The following TRAPPC9 variants were observed in gnomAD, a reference collection of about 807,000 sequenced individuals.
TRAPPC9 encodes IKK2 binding protein.
Under a neutral mutation model 124.0 loss-of-function variants are expected in TRAPPC9, and 83 were observed. That is an observed-to-expected ratio of 0.67 (90% CI 0.56 to 0.80). The LOEUF (loss-of-function observed/expected upper bound fraction) is 0.80. Among genes scored for constraint, TRAPPC9 ranks in the 30% least tolerant of loss-of-function variants. TRAPPC9 has a pLI of 0.00. For synonymous variants in TRAPPC9, 638 were observed against 617.5 expected (o/e 1.03, Z -0.49); for missense variants, 1,302 against 1,508.3 (o/e 0.86, Z 2.27).
chr8:140,316,661 A>G (rs758248512), intron 9 of TRAPPC9, among the ~76,000 whole-genome samples: 11 of 152,112 alleles, frequency 7.2e-5, no homozygotes, highest in Non-Finnish European at 1.3e-4. Context: ...TTTGTGGAAG[A>G]TTTTTGCATC....
intron 19 of TRAPPC9, among the ~76,000 whole-genome samples, chr8:139,980,112 G>A (rs1026347524): frequency 5.9e-5 from 9 of 152,128 alleles, no homozygotes; most frequent in Admixed American, 5.9e-4. Flanking sequence ...AATGGCTGTG[G>A]CAGCTCCATG....
chr8:140,189,116 C>T (rs754819839), intron 17 of TRAPPC9, among the ~76,000 whole-genome samples: 7 of 152,190 alleles, frequency 4.6e-5, no homozygotes, highest in Non-Finnish European at 8.8e-5. Context: ...TCCACCTTCA[C>T]TAAAACTGCC....
intron 20 of TRAPPC9, among the ~76,000 whole-genome samples, chr8:139,893,781 G>C (rs1044202244): frequency 1.3e-5 from 2 of 152,224 alleles, no homozygotes; most frequent in Non-Finnish European, 2.9e-5. Flanking sequence ...GCACAAAGTC[G>C]GCACACACAG....
chr8:139,874,963 C>A (rs961861485), intron 21 of TRAPPC9, among the ~76,000 whole-genome samples: 2 of 152,206 alleles, frequency 1.3e-5, no homozygotes, highest in Admixed American at 6.5e-5. Flanking sequence ...ACAGTGCTTA[C>A]CCCACTGGGG....
chr8:140,052,989 A>G (rs938092190), intron 17 of TRAPPC9, among the ~76,000 whole-genome samples: 2 of 152,212 alleles, frequency 1.3e-5, no homozygotes, highest in African/African-American at 2.4e-5. Context: ...AATCCATTAA[A>G]TAAAACAAAT....
chr8:140,233,623 C>CCACAAACA (rs2063659464), intron 16 of TRAPPC9, among the ~76,000 whole-genome samples: 1 of 90,848 alleles, frequency 1.1e-5, no homozygotes, highest in African/African-American at 4.4e-5. Flanking sequence ...TCTCTCCCCA[C>CCACAAACA]CACACACACA....
intron 21 of TRAPPC9, among the ~76,000 whole-genome samples, chr8:139,847,483 G>A (rs1274775467): frequency 1.3e-5 from 2 of 152,152 alleles, no homozygotes; most frequent in East Asian, 1.9e-4. Flanking sequence ...CAACAGTCCC[G>A]CCTCGGCCGG....
At chr8:140,120,781 T>A (rs954368953) in intron 17 of TRAPPC9, among the ~76,000 whole-genome samples, 2 of 135,726 alleles carry the variant, frequency 1.5e-5, no homozygotes, top group East Asian at 4.5e-4. Context: ...ATCCATTCAT[T>A]CATCCATCCA....
At chr8:140,247,212 A>C (rs536556906) in intron 16 of TRAPPC9, among the ~76,000 whole-genome samples, 1 of 152,212 alleles carries the variant, frequency 6.6e-6, no homozygotes, top group African/African-American at 2.4e-5. Context: ...AATCCTCAAG[A>C]AATCATGAGA....
intron 11 of TRAPPC9, among the ~76,000 whole-genome samples, chr8:140,294,892 G>A (rs4736171): frequency 0.51 from 77,853 of 151,928 alleles, 19,987 homozygotes; most frequent in East Asian, 0.64. Context: ...AATTACAGGC[G>A]TGAGCCACCA....
In TRAPPC9 at chr8:140,009,074, G is replaced by A. The variant is rs10093602; in HGVS notation, c.2699+14863C>T. ...CGGGAAAAGGGAAAAAGAGGTCTAC[G>A]GTCCTGTAGCTCCTTCCAGGCTTTA... On this transcript the variant is annotated intron_variant, in intron 18 of 22. Transcript: ENST00000438773. 8.4e-3 allele frequency among the ~76,000 whole-genome samples: 1,278 copies of A among 152,236 alleles called. 23 individuals carry two copies. Among genetic ancestry groups the A allele is most frequent in the African/African-American group, 0.029 (1,199 of 41,534 alleles).
At chr8:139,956,210 G>A (rs539033733) in intron 19 of TRAPPC9, among the ~76,000 whole-genome samples, 9 of 151,838 alleles carry the variant, frequency 5.9e-5, no homozygotes, top group Non-Finnish European at 8.8e-5. Context: ...CGCCTGGGCT[G>A]GAGTGCAGTG....
intron 17 of TRAPPC9, among the ~76,000 whole-genome samples, chr8:140,055,198 T>G (rs1456848367): frequency 6.6e-6 from 1 of 152,220 alleles, no homozygotes; most frequent in Non-Finnish European, 1.5e-5. Flanking sequence ...TATCTCTGGA[T>G]GCAAGGAAGG....
At chr8:140,237,986 C>G (rs759148769) in intron 16 of TRAPPC9, among the ~76,000 whole-genome samples, 2 of 152,214 alleles carry the variant, frequency 1.3e-5, no homozygotes, top group Non-Finnish European at 2.9e-5. Context: ...GTGATCAACA[C>G]GATGAGCTAA....
chr8:140,012,449 C>T (rs964306604), intron 18 of TRAPPC9, among the ~76,000 whole-genome samples: 4 of 152,218 alleles, frequency 2.6e-5, no homozygotes, highest in Admixed American at 1.3e-4. Flanking sequence ...GGAAGAAGGG[C>T]GTGGACCCCA....
chr8:139,945,190 G>A (rs562956884), intron 19 of TRAPPC9, among the ~76,000 whole-genome samples: 3 of 152,052 alleles, frequency 2.0e-5, no homozygotes, highest in South Asian at 4.2e-4. Flanking sequence ...TCAACTATAC[G>A]TTGTTTATAA....
chr8:139,922,994 C>T (rs1832602819), intron 19 of TRAPPC9, among the ~76,000 whole-genome samples: 1 of 152,182 alleles, frequency 6.6e-6, no homozygotes, highest in South Asian at 2.1e-4. Context: ...TCATCAGGCT[C>T]ATCAGAAACC....
intron 8 of TRAPPC9, among the ~76,000 whole-genome samples, chr8:140,362,704 TGAA>T (rs920146359): frequency 2.0e-5 from 3 of 152,040 alleles, no homozygotes; most frequent in East Asian, 1.9e-4. Flanking sequence ...AATGCCAAAA[TGAA>T]GAAGAGATTT....
intron 7 of TRAPPC9, among the ~76,000 whole-genome samples, chr8:140,386,162 G>GT (rs1298549833): frequency 6.6e-6 from 1 of 152,066 alleles, no homozygotes; most frequent in Non-Finnish European, 1.5e-5. Flanking sequence ...TTGATGGGAT[G>GT]TATCTCAAAA....
Sources: allele counts gnomAD v4.1 joint callset (sites outside exome capture counted in the v4.1 genomes callset), GRCh38; gene constraint gnomAD v4.1.1; transcripts MANE v1.5; gene names NCBI Gene and HGNC (gene_info 2026-07-23, HGNC 2026-07-21).